Variants in SYT16 observed in about 807,000 individuals in gnomAD.
The protein encoded by SYT16 is synaptotagmin 16.
SYT16 carries 42 observed loss-of-function variants against 61.4 expected under a neutral mutation model. The ratio of observed to expected loss-of-function variants is 0.68; its 90% confidence interval spans 0.53 to 0.89. SYT16 has a LOEUF of 0.89. Ranked by LOEUF, SYT16 falls within the 40% of genes least tolerant of loss-of-function variation. The pLI, the probability that SYT16 is intolerant of heterozygous loss-of-function variation, is 0.00. For missense variants in SYT16, 804 were observed against 807.3 expected, an observed-to-expected ratio of 1.00 and a Z score of 0.05; for synonymous variants, 314 against 302.3, an observed-to-expected ratio of 1.04 and a Z score of -0.40.
At chr14:62,042,456 C>T (rs1434227101) in intron 3 of SYT16, among the ~76,000 whole-genome samples, 2 of 152,160 alleles carry the variant, frequency 1.3e-5, no homozygotes, top group African/African-American at 4.8e-5. Flanking sequence ...TTAGGAAGGG[C>T]TAAAGCAATG....
At chr14:61,847,074 T>G (rs1231155618) in intron 1 of SYT16, among the ~76,000 whole-genome samples, 1 of 152,200 alleles carries the variant, frequency 6.6e-6, no homozygotes, top group Non-Finnish European at 1.5e-5. Flanking sequence ...TCTTTCTACT[T>G]AAGACTAGTT....
At chr14:62,050,470 C>T (rs892425420) in intron 3 of SYT16, among the ~76,000 whole-genome samples, 13 of 152,186 alleles carry the variant, frequency 8.5e-5, no homozygotes, top group African/African-American at 3.1e-4. Context: ...CTTCTCTCAA[C>T]TCGTCAAAGT....
chr14:62,078,752 T>C (rs2056603660), intron 5 of SYT16, among the ~76,000 whole-genome samples: 1 of 152,214 alleles, frequency 6.6e-6, no homozygotes, highest in Admixed American at 6.5e-5. Context: ...TTCACATATA[T>C]TGGTGTCAAG....
At chr14:61,815,329 C>T (rs958328447) in intron 1 of SYT16, among the ~76,000 whole-genome samples, 1 of 152,130 alleles carries the variant, frequency 6.6e-6, no homozygotes, top group African/African-American at 2.4e-5. Context: ...TACATGACCT[C>T]GATAAGATAA....
intron 1 of SYT16, among the ~76,000 whole-genome samples, chr14:61,886,912 C>CTTTTTTTTTTTTA (rs2047930727): frequency 9.8e-5 from 10 of 101,872 alleles, no homozygotes; most frequent in Non-Finnish European, 1.2e-4. Flanking sequence ...TTTTTTTTTT[C>CTTTTTTTTTTTTA]CTTTTTATGG....
chr14:61,992,820 A>G (rs2052608632), intron 2 of SYT16, among the ~76,000 whole-genome samples: 1 of 152,252 alleles, frequency 6.6e-6, no homozygotes, highest in South Asian at 2.1e-4. Flanking sequence ...AGTTGGAAAC[A>G]TTCAAATTAA....
rs534213650 is a variant in SYT16 at position 62,085,566 on chromosome 14, A to C, written c.1624+1181A>C. Among the ~76,000 whole-genome samples the C allele has an allele frequency of 7.2e-5, 11 of 152,328 alleles. No homozygotes were observed. In the South Asian group the frequency reaches 2.3e-3, roughly 32 times the overall value. On this transcript the variant is annotated intron_variant, in intron 7 of 7. Coordinates refer to ENST00000683842, the MANE Select transcript of SYT16 (RefSeq NM_001367656.1). Reference sequence around the variant, plus strand: ...TGAAGAACTAGGAGCACCACTGGAAAAGAGTCATCTCCTACAACTGAATCT... The same window carrying C: ...TGAAGAACTAGGAGCACCACTGGAACAGAGTCATCTCCTACAACTGAATCT...
chr14:62,076,609 G>A (rs1462521719), intron 5 of SYT16, among the ~76,000 whole-genome samples: 1 of 152,010 alleles, frequency 6.6e-6, no homozygotes, highest in Non-Finnish European at 1.5e-5. Flanking sequence ...GTGGTTTGTG[G>A]CTTGTTAAAA....
chr14:61,832,488 G>C (rs1348952404), intron 1 of SYT16: 2 of 360,796 alleles, frequency 5.5e-6, no homozygotes, highest in Non-Finnish European at 1.1e-5. Flanking sequence ...CCAGGCTGTG[G>C]CGCAGAGGCG....
chr14:62,029,330 T>G (rs1186428970), intron 3 of SYT16, among the ~76,000 whole-genome samples: 1 of 152,172 alleles, frequency 6.6e-6, no homozygotes. Context: ...CTTGGGTGAA[T>G]GTGGGAGGAA....
chr14:61,855,395 C>T (rs922130102), intron 1 of SYT16, among the ~76,000 whole-genome samples: 2 of 152,206 alleles, frequency 1.3e-5, no homozygotes, highest in African/African-American at 4.8e-5. Flanking sequence ...GTTTAATACA[C>T]ATAACCTGCC....
In SYT16 at chr14:62,037,375, C is replaced by G. The variant is rs2054552302; in HGVS notation, c.524-32228C>G. On this transcript the variant is annotated intron_variant, in intron 3 of 7. Coordinates refer to ENST00000683842, the MANE Select transcript of SYT16 (RefSeq NM_001367656.1). ...TCTCTTAGGGAAAAAGTTTACACGT[C>G]TTTATTAACTATCAACATGTGGTTC... is the stretch of plus-strand genomic sequence containing the variant. Among the ~76,000 whole-genome samples, 2 of 152,128 alleles carry G rather than the reference C, an allele frequency of 1.3e-5. 1 individual carries two copies. The highest frequency in any genetic ancestry group is 4.1e-4 in the South Asian group (2 of 4,820).
chr14:61,856,193 TA>T (rs1344005510), intron 1 of SYT16, among the ~76,000 whole-genome samples: 1 of 152,196 alleles, frequency 6.6e-6, no homozygotes, highest in African/African-American at 2.4e-5. Context: ...GATCTGAAGC[TA>T]TGAAGAGTTT....
intron 3 of SYT16, 34 bp from the exon 4 acceptor site, chr14:62,069,569 A>T (rs752644131): frequency 1.9e-6 from 3 of 1,601,288 alleles, no homozygotes; most frequent in Non-Finnish European, 1.7e-6. Flanking sequence ...CATATAGGCC[A>T]CACAGGAGAC....
At chr14:61,839,217 G>A (rs1254310658) in intron 1 of SYT16, among the ~76,000 whole-genome samples, 1 of 152,194 alleles carries the variant, frequency 6.6e-6, no homozygotes, top group Admixed American at 6.5e-5. Flanking sequence ...GTGTTTAGGT[G>A]ATAGGGCTCT....
chr14:61,946,481 T>C (rs964297694), intron 1 of SYT16, among the ~76,000 whole-genome samples: 2 of 152,158 alleles, frequency 1.3e-5, no homozygotes, highest in African/African-American at 2.4e-5. Flanking sequence ...ATTCAGGTGA[T>C]ATCTAAAAGG....
intron 1 of SYT16, among the ~76,000 whole-genome samples, chr14:61,816,569 A>G (rs1278178982): frequency 6.6e-6 from 1 of 152,226 alleles, no homozygotes. Context: ...TAATTAATTC[A>G]AGCAAGATTC....
chr14:62,091,063 C>T (rs1437104840), intron 7 of SYT16, among the ~76,000 whole-genome samples: 6 of 152,104 alleles, frequency 3.9e-5, no homozygotes, highest in African/African-American at 7.2e-5. Context: ...TGAGATTTGG[C>T]TGGGGACACA....
At chr14:61,986,235 A>C (rs2052304838) in intron 2 of SYT16, among the ~76,000 whole-genome samples, 1 of 152,196 alleles carries the variant, frequency 6.6e-6, no homozygotes, top group South Asian at 2.1e-4. Flanking sequence ...TAACCAGCTA[A>C]ACAACTTTTT....
Sources: gnomAD v4.1 joint callset for allele counts (sites outside exome capture counted in the v4.1 genomes callset) on GRCh38, gnomAD v4.1.1 for gene constraint, MANE v1.5 for transcripts, NCBI Gene and HGNC (gene_info 2026-07-23, HGNC 2026-07-21) for gene names.